PDE3A: variants seen among roughly 807,000 people sequenced by gnomAD.
PDE3A encodes cGMP-inhibited 3',5'-cyclic phosphodiesterase 3A.
In PDE3A, 43 loss-of-function variants were observed where a neutral mutation model predicts 98.3. That is an observed-to-expected ratio of 0.44 (90% CI 0.34 to 0.56). The LOEUF (loss-of-function observed/expected upper bound fraction) is 0.56. Ranked by LOEUF, PDE3A falls within the 20% of genes least tolerant of loss-of-function variation. The pLI, the probability that PDE3A is intolerant of heterozygous loss-of-function variation, is 0.01. For synonymous variants in PDE3A, 663 were observed against 567.9 expected, an observed-to-expected ratio of 1.17 and a Z score of -2.38; for missense variants, 1,427 against 1,440.7, an observed-to-expected ratio of 0.99 and a Z score of 0.15.
At chr12:20,635,577 C>CA (rs770373365) in intron 8 of PDE3A, among the ~76,000 whole-genome samples, 4,621 of 120,022 alleles carry the variant, frequency 0.039, 247 homozygotes, top group African/African-American at 0.13. Context: ...GACTCTGTCT[C>CA]AAAAAAAAAA....
chr12:20,391,095 G>T (rs1236024204), intron 1 of PDE3A, among the ~76,000 whole-genome samples: 2 of 151,750 alleles, frequency 1.3e-5, no homozygotes, highest in Admixed American at 6.6e-5. Flanking sequence ...CATGGGCAAG[G>T]TTCTTATCCT....
chr12:20,676,146 T>C (rs944781461), intron 15 of PDE3A, among the ~76,000 whole-genome samples: 2 of 152,176 alleles, frequency 1.3e-5, no homozygotes, highest in Admixed American at 6.5e-5. Flanking sequence ...CATTTCCTTA[T>C]TTGTGTTTGC....
chr12:20,610,084 G>C (rs1391315555), intron 2 of PDE3A, among the ~76,000 whole-genome samples: 1 of 148,624 alleles, frequency 6.7e-6, no homozygotes, highest in Non-Finnish European at 1.5e-5. Context: ...CACAGGAAGG[G>C]AAACAATCAA....
intron 1 of PDE3A, among the ~76,000 whole-genome samples, chr12:20,513,597 G>A (rs1005468798): frequency 2.6e-5 from 4 of 152,040 alleles, no homozygotes; most frequent in African/African-American, 9.7e-5. Context: ...ATTTCTCATG[G>A]AATTTGTGGA....
intron 15 of PDE3A, among the ~76,000 whole-genome samples, chr12:20,674,185 T>C (rs1198550974): frequency 6.6e-6 from 1 of 152,202 alleles, no homozygotes; most frequent in Non-Finnish European, 1.5e-5. Flanking sequence ...GCAACTTTAC[T>C]CAATTTATTT....
chr12:20,664,099 A>C (rs140756465), intron 15 of PDE3A, among the ~76,000 whole-genome samples: 14 of 152,228 alleles, frequency 9.2e-5, no homozygotes, highest in African/African-American at 3.4e-4. Flanking sequence ...TCTTCCTGCC[A>C]CCATGTGAAT....
intron 1 of PDE3A, among the ~76,000 whole-genome samples, chr12:20,543,626 A>G (rs989740375): frequency 6.6e-6 from 1 of 152,064 alleles, no homozygotes; most frequent in Non-Finnish European, 1.5e-5. Flanking sequence ...ATGAAGTTTT[A>G]ATTACAGATT....
chr12:20,662,003 C>T (rs767885573), intron 15 of PDE3A, among the ~76,000 whole-genome samples: 1 of 152,174 alleles, frequency 6.6e-6, no homozygotes, highest in Non-Finnish European at 1.5e-5. Context: ...CCCATGAAAG[C>T]ATCCATGAGG....
chr12:20,673,275 T>G (rs1945540256), intron 15 of PDE3A, among the ~76,000 whole-genome samples: 2 of 151,282 alleles, frequency 1.3e-5, no homozygotes. Flanking sequence ...GTTCAACCAT[T>G]GTGGAAGTCA....
chr12:20,585,309 C>T (rs11045319), intron 2 of PDE3A, among the ~76,000 whole-genome samples: 2,872 of 152,290 alleles, frequency 0.019, 72 homozygotes, highest in African/African-American at 0.065. Flanking sequence ...ATAGTTTAGG[C>T]TTAGCCCAGA....
Position 20,648,853 on chromosome 12 carries a change from A to C in PDE3A, c.2731A>C (p.Lys911Gln). 6.2e-7 allele frequency: 1 copy of C among 1,613,784 alleles called. No homozygotes were observed. The highest frequency in any genetic ancestry group is 8.5e-7 in the Non-Finnish European group (1 of 1,179,768). The change falls in exon 13 of 16, where the codon AAG becomes CAG. Residue 911 changes from lysine (K) to glutamine (Q), a missense_variant. This residue lies in a region of PDE3A where 273 missense variants were observed against 420.3 expected (regional missense o/e 0.65). Transcript: ENST00000359062. ...VIEAILATDL[K>Q]KHFDFVAKFN... ...TGAAGCAATTTTGGCCACTGACCTG[A>C]AGAAACACTTTGACTTCGTAGCCAA...
At chr12:20,573,095 T>C (rs1251446377) in intron 2 of PDE3A, among the ~76,000 whole-genome samples, 1 of 152,086 alleles carries the variant, frequency 6.6e-6, no homozygotes, top group African/African-American at 2.4e-5. Context: ...GTTTTTCGTA[T>C]TTTATAAGTA....
intron 1 of PDE3A, among the ~76,000 whole-genome samples, chr12:20,402,167 T>A (rs1044837449): frequency 2.6e-5 from 4 of 152,042 alleles, no homozygotes; most frequent in Admixed American, 6.5e-5. Context: ...TTCTTTTTTT[T>A]AATTCTTTTT....
chr12:20,394,991 C>T (rs993817493), intron 1 of PDE3A, among the ~76,000 whole-genome samples: 9 of 152,014 alleles, frequency 5.9e-5, no homozygotes, highest in African/African-American at 1.9e-4. Context: ...TTAATCCATA[C>T]TCCATATGGA....
At chr12:20,577,512 A>C (rs1196127903) in intron 2 of PDE3A, among the ~76,000 whole-genome samples, 1 of 152,188 alleles carries the variant, frequency 6.6e-6, no homozygotes, top group Non-Finnish European at 1.5e-5. Context: ...TATTCAGTTT[A>C]ATGTGTGTTT....
chr12:20,494,904 C>G (rs7487227), intron 1 of PDE3A, among the ~76,000 whole-genome samples: 38,958 of 151,152 alleles, frequency 0.26, 5,301 homozygotes, highest in African/African-American at 0.33. Context: ...AATAGAAGCC[C>G]TATGTTTTGA....
At position 20,685,451 on chromosome 12, in the gene PDE3A, T is replaced by C. The variant is rs1343576916; in HGVS notation, c.*5180T>C. Among the ~76,000 whole-genome samples the C allele has an allele frequency of 1.7e-5, 2 of 115,276 alleles. No homozygotes were observed. Among genetic ancestry groups the C allele is most frequent in the African/African-American group, 6.8e-5 (2 of 29,426 alleles). 75.6% of individuals were successfully genotyped at this position (115,276 alleles called of 152,430 possible). ...AAAAAAAGAACATTTTTTGGCAAAA[T>C]ATGAAGACACGAAACTGAAGATAAA... On this transcript the variant is annotated 3_prime_UTR_variant, in exon 16 of 16. Coordinates refer to ENST00000359062, the MANE Select transcript of PDE3A (RefSeq NM_000921.5).
At chr12:20,500,479 C>T (rs1946001693) in intron 1 of PDE3A, among the ~76,000 whole-genome samples, 1 of 152,104 alleles carries the variant, frequency 6.6e-6, no homozygotes, top group African/African-American at 2.4e-5. Context: ...AAAAACAGTT[C>T]ATAAATCTAA....
chr12:20,494,213 CT>C (rs1467080491), intron 1 of PDE3A, among the ~76,000 whole-genome samples: 1 of 152,104 alleles, frequency 6.6e-6, no homozygotes, highest in Non-Finnish European at 1.5e-5. Flanking sequence ...TGGCTGAAGC[CT>C]TTTATTTTTC....
Sources: allele counts gnomAD v4.1 joint callset (sites outside exome capture counted in the v4.1 genomes callset), GRCh38; gene constraint gnomAD v4.1.1; regional missense constraint gnomAD v4.1.1; transcripts MANE v1.5; gene names NCBI Gene and HGNC (gene_info 2026-07-23, HGNC 2026-07-21).